Variants in PDE7B observed in about 807,000 individuals in gnomAD.
PDE7B encodes the protein 3',5'-cyclic-AMP phosphodiesterase 7B.
PDE7B carries 29 observed loss-of-function variants against 56.2 expected under a neutral mutation model. The ratio of observed to expected loss-of-function variants is 0.52; its 90% CI spans 0.38 to 0.70. The LOEUF is 0.70. PDE7B is among the 30% of genes least tolerant of loss of function. The probability of loss-of-function intolerance (pLI) is 0.00; values close to 1 mark genes in which losing one functional copy is unlikely to be tolerated. For missense variants in PDE7B, 490 were observed against 565.0 expected, an observed-to-expected ratio of 0.87 and a Z score of 1.35; for synonymous variants, 197 against 196.9, an observed-to-expected ratio of 1.00 and a Z score of 0.00.
chr6:136,185,829 G>A (rs755703379), intron 11 of PDE7B, among the ~76,000 whole-genome samples: 13 of 152,098 alleles, frequency 8.5e-5, no homozygotes, highest in South Asian at 2.1e-4. Context: ...CCTGGCACAC[G>A]GTAGTCACTA....
chr6:136,123,741 G>T (rs748695181), intron 3 of PDE7B, among the ~76,000 whole-genome samples: 14 of 152,130 alleles, frequency 9.2e-5, no homozygotes, highest in Non-Finnish European at 2.1e-4. Flanking sequence ...AATTTAAACA[G>T]CAATTATTAA....
chr6:135,891,761 T>C (rs1775813779), intron 1 of PDE7B, among the ~76,000 whole-genome samples: 2 of 152,192 alleles, frequency 1.3e-5, no homozygotes, highest in Admixed American at 1.3e-4. Flanking sequence ...TGTTCTACCT[T>C]GTCATTATGT....
chr6:136,032,622 G>A (rs547573303), intron 2 of PDE7B, among the ~76,000 whole-genome samples: 2 of 151,998 alleles, frequency 1.3e-5, no homozygotes, highest in Admixed American at 6.6e-5. Context: ...CTGCATTCTC[G>A]CTGGGGAACC....
intron 2 of PDE7B, among the ~76,000 whole-genome samples, chr6:136,067,159 A>G (rs796699408): frequency 1.3e-5 from 2 of 152,172 alleles, no homozygotes; most frequent in African/African-American, 4.8e-5. Context: ...CACAACAACC[A>G]TGTTTTTTCT....
chr6:136,175,618 CT>C (rs1778964566), intron 9 of PDE7B, among the ~76,000 whole-genome samples: 1 of 151,990 alleles, frequency 6.6e-6, no homozygotes, highest in African/African-American at 2.4e-5. Flanking sequence ...AGTTTACGTC[CT>C]GAAATTTTTT....
At chr6:135,926,629 C>T (rs1774196725) in intron 1 of PDE7B, among the ~76,000 whole-genome samples, 1 of 151,866 alleles carries the variant, frequency 6.6e-6, no homozygotes, top group Admixed American at 6.6e-5. Flanking sequence ...AAAATCCCTC[C>T]TAGGTTTTAT....
At chr6:136,176,355 C>A (rs1471744942) in intron 9 of PDE7B, among the ~76,000 whole-genome samples, 1 of 151,740 alleles carries the variant, frequency 6.6e-6, no homozygotes, top group Admixed American at 6.6e-5. Flanking sequence ...AACCATAATC[C>A]CATTATAGAT....
chr6:135,981,112 T>C (rs1266152688), intron 2 of PDE7B, among the ~76,000 whole-genome samples: 2 of 151,298 alleles, frequency 1.3e-5, no homozygotes, highest in African/African-American at 4.9e-5. Context: ...CCATAAAAAA[T>C]GATGAGTTCA....
chr6:135,998,556 A>G (rs1775607212), intron 2 of PDE7B, among the ~76,000 whole-genome samples: 1 of 152,086 alleles, frequency 6.6e-6, no homozygotes, highest in African/African-American at 2.4e-5. Context: ...GGAGATCGAG[A>G]CCATCCTGGC....
intron 1 of PDE7B, among the ~76,000 whole-genome samples, chr6:135,856,328 T>C (rs899924115): frequency 2.6e-5 from 4 of 152,184 alleles, no homozygotes; most frequent in African/African-American, 9.7e-5. Context: ...TTTGTGAAAA[T>C]TGTAGCTAGA....
At chr6:136,108,889 T>A in intron 3 of PDE7B, 75 bp downstream of exon 3, 1 of 961,278 alleles carries the variant, frequency 1.0e-6, no homozygotes, top group South Asian at 1.3e-5. Flanking sequence ...CATTTCCCTC[T>A]GAACTTCGAA....
chr6:135,891,551 C>T (rs117471413), intron 1 of PDE7B, among the ~76,000 whole-genome samples: 2 of 152,100 alleles, frequency 1.3e-5, no homozygotes, highest in Non-Finnish European at 2.9e-5. Context: ...GTGAGAAATT[C>T]AAACACCTTC....
At chr6:136,037,556 T>C (rs1776343510) in intron 2 of PDE7B, 5 of 985,244 alleles carry the variant, frequency 5.1e-6, no homozygotes, top group Non-Finnish European at 6.0e-6. Flanking sequence ...CCAACCCCCA[T>C]CAGGCCCTCC....
At chr6:136,030,591 T>G (rs1776232214) in intron 2 of PDE7B, among the ~76,000 whole-genome samples, 1 of 152,220 alleles carries the variant, frequency 6.6e-6, no homozygotes, top group Admixed American at 6.5e-5. Flanking sequence ...TCTTTATCTC[T>G]TTGAGGAATC....
chr6:136,148,466 A>AGGGAAGGCAGGC (rs879737273), intron 4 of PDE7B, among the ~76,000 whole-genome samples: 7 of 42,994 alleles, frequency 1.6e-4, no homozygotes, highest in African/African-American at 8.1e-4. Flanking sequence ...GGAGGGAAGG[A>AGGGAAGGCAGGC]AGGAAGGCAG....
Position 135,928,511 on chromosome 6 carries a change from A to T in PDE7B, c.22-18953A>T, listed in dbSNP as rs985079045. Among the ~76,000 whole-genome samples, 8 of 131,970 alleles carry T rather than the reference A, an allele frequency of 6.1e-5. No individual in the cohort carries two copies. The South Asian group carries it at 1.2e-3, about 20-fold the overall frequency. The allele number at this position is 131,970 out of a possible 152,430, so 86.6% of individuals were successfully genotyped here. ...TTTATATATATATATTTATATATAT[A>T]TATTTATTTATATATATACACACAC... On this transcript the variant is annotated intron_variant, in intron 1 of 12. Transcript: ENST00000308191.
intron 2 of PDE7B, among the ~76,000 whole-genome samples, chr6:136,021,758 C>G (rs1416228552): frequency 6.6e-6 from 1 of 152,078 alleles, no homozygotes; most frequent in Non-Finnish European, 1.5e-5. Flanking sequence ...TGATTAATTT[C>G]TGCTTCTATT....
At chr6:135,976,122 G>A (rs1040155511) in intron 2 of PDE7B, among the ~76,000 whole-genome samples, 11 of 152,106 alleles carry the variant, frequency 7.2e-5, no homozygotes, top group Admixed American at 2.6e-4. Flanking sequence ...CTAGATCCCA[G>A]ATAATCAAAC....
chr6:136,147,591 G>GC (rs1021923063), intron 4 of PDE7B, 89 bp downstream of exon 4: 2 of 1,047,734 alleles, frequency 1.9e-6, no homozygotes, highest in Middle Eastern at 2.6e-4. Context: ...GTCCTACTCT[G>GC]CCTCTGAGGA....
Sources: gnomAD v4.1 joint callset for allele counts (sites outside exome capture counted in the v4.1 genomes callset) on GRCh38, gnomAD v4.1.1 for gene constraint, MANE v1.5 for transcripts, NCBI Gene and HGNC (gene_info 2026-07-23, HGNC 2026-07-21) for gene names.